The following ANK3 variants were observed in gnomAD, a reference collection of about 807,000 sequenced individuals.
ANK3 encodes ankyrin-3.
ANK3 carries 57 observed loss-of-function variants against 370.9 expected under a neutral mutation model. That is an observed-to-expected ratio of 0.15 (90% confidence interval 0.12 to 0.19). The LOEUF (loss-of-function observed/expected upper bound fraction) is 0.19, where lower values mean the gene tolerates loss of function less well. Ranked by LOEUF, ANK3 falls within the 10% of genes least tolerant of loss-of-function variation. The pLI, the probability that ANK3 is intolerant of heterozygous loss-of-function variation, is 1.00. For synonymous variants in ANK3, 1,929 were observed against 1,946.3 expected, an observed-to-expected ratio of 0.99 and a Z score of 0.23; for missense variants, 4,439 against 5,302.1, an observed-to-expected ratio of 0.84 and a Z score of 5.06.
intron 2 of ANK3, among the ~76,000 whole-genome samples, chr10:60,528,206 G>A (rs1427332692): frequency 2.3e-5 from 3 of 133,210 alleles, no homozygotes; most frequent in Non-Finnish European, 3.1e-5. Context: ...GTGCAATCTC[G>A]ACTCACCACA....
chr10:60,142,146 T>A (rs915311546), intron 23 of ANK3, among the ~76,000 whole-genome samples: 31 of 152,202 alleles, frequency 2.0e-4, no homozygotes, highest in African/African-American at 7.2e-4. Flanking sequence ...ACTTCTTGGC[T>A]ATTTTTCCTT....
chr10:60,585,921 G>A (rs1252639619), intron 2 of ANK3, among the ~76,000 whole-genome samples: 2 of 152,098 alleles, frequency 1.3e-5, no homozygotes, highest in African/African-American at 4.8e-5. Context: ...CTACTTGGGA[G>A]GCTAAGGCAG....
intron 2 of ANK3, among the ~76,000 whole-genome samples, chr10:60,485,115 A>C (rs950782618): frequency 2.6e-5 from 4 of 151,734 alleles, no homozygotes; most frequent in Non-Finnish European, 5.9e-5. Flanking sequence ...CACCAGAAAA[A>C]CCTCTTGCTA....
At chr10:60,701,991 G>T (rs2079550993) in intron 1 of ANK3, among the ~76,000 whole-genome samples, 1 of 152,144 alleles carries the variant, frequency 6.6e-6, no homozygotes, top group Non-Finnish European at 1.5e-5. Context: ...GGGTGCAGTG[G>T]CTCATGCCTA....
upstream of ANK3, among the ~76,000 whole-genome samples, chr10:60,390,729 AACACACACAC>A (rs572520321): frequency 3.3e-3 from 352 of 107,070 alleles, 2 homozygotes; most frequent in Middle Eastern, 0.026. Context: ...TAAAAAAAAG[AACACACACAC>A]ACACACACAC....
intron 29 of ANK3, among the ~76,000 whole-genome samples, chr10:60,087,125 T>A (rs2086923347): frequency 6.6e-6 from 1 of 152,016 alleles, no homozygotes; most frequent in African/African-American, 2.4e-5. Flanking sequence ...CAAATAGCAC[T>A]GGCTTGCAGG....
intron 28 of ANK3, among the ~76,000 whole-genome samples, chr10:60,090,493 A>G (rs1234116928): frequency 6.6e-6 from 1 of 152,208 alleles, no homozygotes; most frequent in Non-Finnish European, 1.5e-5. Flanking sequence ...GTAAACTTGA[A>G]AAGCAAAAAG....
intron 8 of ANK3, among the ~76,000 whole-genome samples, chr10:60,219,594 G>A (rs1019998647): frequency 3.3e-5 from 5 of 152,190 alleles, no homozygotes; most frequent in African/African-American, 1.2e-4. Context: ...AGTTGAGGAA[G>A]TAGAGAGTTA....
chr10:60,182,368 T>G (rs1460145556), intron 17 of ANK3, among the ~76,000 whole-genome samples: 1 of 152,288 alleles, frequency 6.6e-6, no homozygotes, highest in East Asian at 1.9e-4. Flanking sequence ...AAACTAACCC[T>G]ATTAGAGAAT....
At chr10:60,030,581 G>A (rs1424954265) in intron 43 of ANK3, among the ~76,000 whole-genome samples, 1 of 152,178 alleles carries the variant, frequency 6.6e-6, no homozygotes, top group Non-Finnish European at 1.5e-5. Flanking sequence ...AGGCTGGGGA[G>A]CTAATTAAGA....
Position 60,073,874 on chromosome 10 carries a change from T to A in ANK3, c.7007A>T (p.Lys2336Ile), listed in dbSNP as rs1245246184. The change falls in exon 37 of 44, where the codon AAA (lysine) becomes ATA (isoleucine). Residue 2336 changes from lysine (K) to isoleucine (I), a missense_variant. Coordinates refer to ENST00000280772, the MANE Select transcript of ANK3 (RefSeq NM_020987.5). ...TTCAGTGGGCTCAGCTTGGTTACCT[T>A]TTTCGATGTGGACTTCTATTATACG... ...LERIIEVHIEKGNQAEPTEVI... is the reference protein window; with the variant it reads ...LERIIEVHIEIGNQAEPTEVI... 5.0e-6 allele frequency: 8 copies of A among 1,613,824 alleles called. No homozygotes were observed. Among genetic ancestry groups the A allele is most frequent in the Non-Finnish European group, 6.8e-6 (8 of 1,180,008 alleles).
At chr10:60,445,409 A>G (rs2064416508) in intron 2 of ANK3, among the ~76,000 whole-genome samples, 1 of 152,142 alleles carries the variant, frequency 6.6e-6, no homozygotes, top group African/African-American at 2.4e-5. Flanking sequence ...ACAAGCAAGC[A>G]AGCAAACAAA....
chr10:60,614,804 A>C (rs1207658141), intron 2 of ANK3, among the ~76,000 whole-genome samples: 1 of 152,220 alleles, frequency 6.6e-6, no homozygotes, highest in African/African-American at 2.4e-5. Flanking sequence ...AGCTAAATCA[A>C]ACATTTAATT....
At chr10:60,324,187 A>C (rs1000805231) in intron 1 of ANK3, among the ~76,000 whole-genome samples, 1 of 152,228 alleles carries the variant, frequency 6.6e-6, no homozygotes, top group Non-Finnish European at 1.5e-5. Context: ...GATGTCCTAG[A>C]GTTGGCAAGA....
chr10:60,082,658 G>T lies in ANK3; in HGVS notation c.4280C>A (p.Thr1427Lys). 6.2e-7 allele frequency: 1 copy of T among 1,614,104 alleles called. No individual in the cohort carries two copies. The highest frequency in any genetic ancestry group is 8.5e-7 in the Non-Finnish European group (1 of 1,179,962). The change falls in exon 34 of 44, where the codon ACA becomes AAA. Residue 1427 changes from threonine (T) to lysine (K), a missense_variant. Physicochemically the swap from Thr to Lys is moderately conservative, Grantham distance 78 (BLOSUM62 -1). Coordinates refer to ENST00000280772, the MANE Select transcript of ANK3 (RefSeq NM_020987.5). ...EPKTTKGLPQ[T>K]AVCNLNITLP... ...AGTGATATTTAAGTTGCAAACCGCT[G>T]TTTGAGGCAGTCCTTTTGTTGTCTT...
At chr10:60,349,143 A>C (rs10761492) in intron 1 of ANK3, among the ~76,000 whole-genome samples, 106,112 of 152,032 alleles carry the variant, frequency 0.7, 38,309 homozygotes, top group South Asian at 0.91. Context: ...TGAAGGAGAA[A>C]AATGCAGAAC....
Position 60,178,841 on chromosome 10 carries a change from T to G in ANK3, c.2184+2488A>C, listed in dbSNP as rs574102615. Among the ~76,000 whole-genome samples, 11 of 152,182 alleles carry G rather than the reference T, an allele frequency of 7.2e-5. No individual in the cohort carries two copies. In the East Asian group the frequency reaches 9.7e-4, roughly 13 times the overall value. ...GAAAAGCAAAAGCAGTGGCTTCATC[T>G]CTATCAAACAACACTGATTATTATA... On this transcript the variant is annotated intron_variant, in intron 18 of 43. Transcript: ENST00000280772.
chr10:60,070,866 C>T lies in ANK3; in HGVS notation c.10015G>A (p.Val3339Met). ...VKKYTFKLKE[V>M]DDEQKEKPKA... ...GGTTTTTCTTTTTGTTCATCGTCCA[C>T]TTCCTTTAATTTGAAGGTATATTTT... The change falls in exon 37 of 44, where the codon GTG becomes ATG. Residue 3339 changes from valine to methionine, a missense_variant. By Grantham distance (21) the Val-to-Met change is conservative. Transcript: ENST00000280772. This position sits in a 1 kb window ranked among gnomAD's most constrained non-coding sequence, Gnocchi z 5.7. 1 of 1,614,096 alleles carries T rather than the reference C, an allele frequency of 6.2e-7. No individual in the cohort carries two copies. Among genetic ancestry groups the T allele is most frequent in the Non-Finnish European group, 8.5e-7 (1 of 1,180,008 alleles).
At position 60,030,366 on chromosome 10, in the gene ANK3, TCTC is replaced by T. The variant is rs1434983257; in HGVS notation, c.*20-543_*20-541del. 2.0e-5 allele frequency among the ~76,000 whole-genome samples: 3 copies of T among 152,052 alleles called. No individual in the cohort carries two copies. In the East Asian group the frequency reaches 5.8e-4, roughly 29 times the overall value. On this transcript the variant is annotated intron_variant, in intron 43 of 43. Transcript: ENST00000280772. ...ACTATGTTAGTCAGGATGGTCTCGATCTCCTGACCTCGTGAGCCGCCCACCTTG... is the reference window on the plus strand; with the variant it reads ...ACTATGTTAGTCAGGATGGTCTCGATCTGACCTCGTGAGCCGCCCACCTTG...
Sources: gnomAD v4.1 joint callset for allele counts (sites outside exome capture counted in the v4.1 genomes callset) on GRCh38, gnomAD v4.1.1 for gene constraint, Gnocchi (gnomAD v3.1) non-coding constraint, MANE v1.5 for transcripts, NCBI Gene and HGNC (gene_info 2026-07-23, HGNC 2026-07-21) for gene names.